Variants in DNAJC10 observed in about 807,000 individuals in gnomAD.
DNAJC10 encodes the protein DnaJ heat shock protein family (Hsp40) member C10, also known as endoplasmic reticulum disulfide reductase DNAJC10.
DNAJC10 carries 101 observed loss-of-function variants against 115.0 expected under a neutral mutation model. The observed-to-expected ratio is 0.88, with a 90% confidence interval of 0.75 to 1.04. The LOEUF (loss-of-function observed/expected upper bound fraction) is 1.04, where lower values mean the gene tolerates loss of function less well. Ranked by LOEUF, DNAJC10 falls within the 50% of genes least tolerant of loss-of-function variation. The pLI, the probability that DNAJC10 is intolerant of heterozygous loss-of-function variation, is 0.00. For missense variants in DNAJC10, 981 were observed against 928.8 expected, an observed-to-expected ratio of 1.06 and a Z score of -0.73; for synonymous variants, 307 against 301.5, an observed-to-expected ratio of 1.02 and a Z score of -0.19.
intron 3 of DNAJC10, among the ~76,000 whole-genome samples, chr2:182,719,331 G>C (rs1693085000): frequency 7.3e-6 from 1 of 137,264 alleles, no homozygotes; most frequent in Non-Finnish European, 1.5e-5. Flanking sequence ...GCGGCTTCCT[G>C]CAACTTCTGC....
At chr2:182,718,994 T>C (rs1693073589) in intron 3 of DNAJC10, among the ~76,000 whole-genome samples, 1 of 152,110 alleles carries the variant, frequency 6.6e-6, no homozygotes, top group African/African-American at 2.4e-5. Flanking sequence ...TGCATAAAGC[T>C]GAGCAAGAGA....
intron 16 of DNAJC10, chr2:182,752,587 T>C: frequency 1.1e-6 from 1 of 940,756 alleles, no homozygotes; most frequent in Non-Finnish European, 1.3e-6. Flanking sequence ...TGAACAAGCC[T>C]TTTGAAATCT....
rs1337697299 is a variant in DNAJC10 at position 182,778,556 on chromosome 2, T to C, written c.*1424T>C. The stretch of plus-strand genomic sequence containing the variant: ...TATTGTGTTTTGAGGAGTTTTCCTT[T>C]TTTTCTTTTCAATATCACTTTATCC... On this transcript the variant is annotated 3_prime_UTR_variant, in exon 24 of 24. Transcript: ENST00000264065. The C allele has an allele frequency of 7.7e-6, 1 of 130,332 alleles. No homozygotes were observed. The highest frequency in any genetic ancestry group is 1.6e-5 in the Non-Finnish European group (1 of 61,112). The allele number at this position is 130,332 out of a possible 1,614,324, so 8.1% of individuals were successfully genotyped here.
At chr2:182,743,124 G>T (rs1693777931) in intron 13 of DNAJC10, among the ~76,000 whole-genome samples, 1 of 152,168 alleles carries the variant, frequency 6.6e-6, no homozygotes. Flanking sequence ...TGGGATTATA[G>T]GCATGAGCCA....
chr2:182,718,940 TTTCTC>T (rs557838293), intron 3 of DNAJC10, among the ~76,000 whole-genome samples: 28 of 152,276 alleles, frequency 1.8e-4, no homozygotes, highest in Non-Finnish European at 3.8e-4. Context: ...TAGTTATAAT[TTTCTC>T]TTTTCTAGGT....
At chr2:182,764,377 A>G (rs925609284) in intron 22 of DNAJC10, among the ~76,000 whole-genome samples, 1 of 152,134 alleles carries the variant, frequency 6.6e-6, no homozygotes, top group African/African-American at 2.4e-5. Context: ...TGCTAATATA[A>G]TAATAGCTGA....
rs760009790 is a variant in DNAJC10 at position 182,732,500 on chromosome 2, T to C, written c.807T>C (p.Asp269=). The change falls in exon 10 of 24, where the codon GAT becomes GAC. Residue 269 remains aspartate, a splice_region_variant and synonymous_variant. Transcript: ENST00000264065. ...WLITFCSKGG[D]CLTSQTRLRL... ...CTCATAAGGTTTTTTTGTCCCCAGA[T>C]TGTTTGACTTCACAGACACGACTCA... The C allele has an allele frequency of 6.2e-7, 1 of 1,613,466 alleles. No individual in the cohort carries two copies. Among genetic ancestry groups the C allele is most frequent in the Non-Finnish European group, 8.5e-7 (1 of 1,179,508 alleles).
In DNAJC10 at chr2:182,740,331, T is replaced by G; in HGVS notation, c.1020T>G (p.Tyr340Ter). ...FLNSLDAKEI[Y>*]LEVIHNLPDF... is the part of the protein sequence containing the mutation. ...ACTCATTGGATGCTAAAGAAATATA[T>G]TTGGAAGTAATACATAATCTTCCAG... Residue 340 changes from tyrosine to a stop codon, truncating the protein, a stop_gained, in exon 12 of 24, where the codon TAT becomes TAG. Coordinates refer to ENST00000264065, the MANE Select transcript of DNAJC10 (RefSeq NM_018981.4). LOFTEE classifies it high-confidence loss of function. 6.5e-7 allele frequency: 1 copy of G among 1,540,572 alleles called. No individual in the cohort carries two copies. Among genetic ancestry groups the G allele is most frequent in the Non-Finnish European group, 8.8e-7 (1 of 1,139,066 alleles).
At chr2:182,739,698 A>G (rs986078181) in intron 11 of DNAJC10, 1 of 1,031,776 alleles carries the variant, frequency 9.7e-7, no homozygotes, top group Non-Finnish European at 1.2e-6. Context: ...AAACAAGTTT[A>G]AGATAAGATC....
At chr2:182,743,489 T>A (rs1693788340) in intron 13 of DNAJC10, 109 bp from the exon 14 acceptor site, 1 of 737,750 alleles carries the variant, frequency 1.4e-6, no homozygotes, top group Non-Finnish European at 2.4e-6. Context: ...TTAGCTTCTG[T>A]TTAAAAACTG....
In DNAJC10 at chr2:182,718,073, G is replaced by A; in HGVS notation, c.-14G>A. On this transcript the variant is annotated 5_prime_UTR_variant, in exon 3 of 24. Coordinates refer to ENST00000264065, the MANE Select transcript of DNAJC10 (RefSeq NM_018981.4). Reference sequence around the variant, plus strand: ...TTAATGTTCACTTAAATCAGAACTTGCATAAGAAAGAGAATGGGAGTCTGG... The same window carrying A: ...TTAATGTTCACTTAAATCAGAACTTACATAAGAAAGAGAATGGGAGTCTGG... 1 of 1,573,002 alleles carries A rather than the reference G, an allele frequency of 6.4e-7. No individual in the cohort carries two copies. The highest frequency in any genetic ancestry group is 8.6e-7 in the Non-Finnish European group (1 of 1,156,378).
intron 12 of DNAJC10, 66 bp from the exon 13 acceptor site, chr2:182,741,177 G>T: frequency 9.1e-7 from 1 of 1,099,122 alleles, no homozygotes; most frequent in Non-Finnish European, 1.3e-6. Flanking sequence ...TCAAGTCATA[G>T]AAATGAAGAT....
Position 182,728,662 on chromosome 2 carries a change from T to G in DNAJC10, c.501+4T>G, listed in dbSNP as rs1351619633. ...CTGCCATGATTTAGCTCCCACAGTATGTATTTTTCACATCCTCATTACTAG... is the reference window on the plus strand; with the variant it reads ...CTGCCATGATTTAGCTCCCACAGTAGGTATTTTTCACATCCTCATTACTAG... On this transcript the variant is annotated splice_donor_region_variant and intron_variant, in intron 6 of 23. Coordinates refer to ENST00000264065, the MANE Select transcript of DNAJC10 (RefSeq NM_018981.4). 10 of 1,608,332 alleles carry G rather than the reference T, an allele frequency of 6.2e-6. No individual in the cohort carries two copies. The highest frequency in any genetic ancestry group is 8.5e-6 in the Non-Finnish European group (10 of 1,176,754).
Position 182,781,426 on chromosome 2 carries a change from G to A in DNAJC10, c.*4294G>A, listed in dbSNP as rs189272291. 103 of 152,218 alleles carry A rather than the reference G, an allele frequency of 6.8e-4. No individual in the cohort carries two copies. The highest frequency in any genetic ancestry group is 2.3e-3 in the African/African-American group (94 of 41,534). The allele number at this position is 152,218 out of a possible 1,614,324, so 9.4% of individuals were successfully genotyped here. A position where few individuals can be genotyped will look rare whatever the true frequency, so the allele number is the denominator to read the frequency against. Reference sequence around the variant, plus strand: ...GTGAATAGTGCTCCAATAAACATACGTGTGCATGTGTCTTTATAGTAAAAT... The same window carrying A: ...GTGAATAGTGCTCCAATAAACATACATGTGCATGTGTCTTTATAGTAAAAT... On this transcript the variant is annotated 3_prime_UTR_variant, in exon 24 of 24. Coordinates refer to ENST00000264065, the MANE Select transcript of DNAJC10 (RefSeq NM_018981.4).
chr2:182,766,184 TA>T (rs1694406564), intron 22 of DNAJC10, among the ~76,000 whole-genome samples: 1 of 152,166 alleles, frequency 6.6e-6, no homozygotes, highest in Non-Finnish European at 1.5e-5. Context: ...AACTGTTGTT[TA>T]AGAATCCAGG....
chr2:182,754,658 A>C, intron 16 of DNAJC10: 69 of 562,150 alleles, frequency 1.2e-4, no homozygotes, highest in Non-Finnish European at 1.4e-4. Flanking sequence ...GACTCAAGCT[A>C]GAGATATAGC....
chr2:182,752,936 G>A (rs1218587244), intron 16 of DNAJC10, among the ~76,000 whole-genome samples: 1 of 152,134 alleles, frequency 6.6e-6, no homozygotes, highest in African/African-American at 2.4e-5. Context: ...ACAACATTTA[G>A]ACTTTGTTTG....
At chr2:182,767,063 A>G (rs2105696787) in intron 22 of DNAJC10, among the ~76,000 whole-genome samples, 1 of 152,172 alleles carries the variant, frequency 6.6e-6, no homozygotes, top group South Asian at 2.1e-4. Flanking sequence ...GTTTTTCCTC[A>G]CTAGAAAAAA....
chr2:182,769,230 G>A (rs1025881059), intron 22 of DNAJC10, among the ~76,000 whole-genome samples: 5 of 152,112 alleles, frequency 3.3e-5, no homozygotes, highest in Non-Finnish European at 2.9e-5. Flanking sequence ...TATCATTGAT[G>A]TACTTTTGCG....
Sources: allele counts gnomAD v4.1 joint callset (sites outside exome capture counted in the v4.1 genomes callset), GRCh38; gene constraint gnomAD v4.1.1; transcripts MANE v1.5; gene names NCBI Gene and HGNC (gene_info 2026-07-23, HGNC 2026-07-21).